Variants in SLC16A6 observed in about 807,000 individuals in gnomAD.
SLC16A6 encodes solute carrier family 16 member 6, also known as monocarboxylate transporter 7.
SLC16A6 carries 15 observed loss-of-function variants against 33.8 expected under a neutral mutation model. The ratio of observed to expected loss-of-function variants is 0.44; its 90% CI spans 0.30 to 0.68. SLC16A6 has a LOEUF of 0.68. Ranked by LOEUF, SLC16A6 falls within the 30% of genes least tolerant of loss-of-function variation. The pLI is 0.10. For synonymous variants in SLC16A6, 219 were observed against 248.4 expected (o/e 0.88, Z 1.11); for missense variants, 451 against 661.5 (o/e 0.68, Z 3.49).
chr17:68,272,812 T>A, intron 3 of SLC16A6, 45 bp from the exon 4 acceptor site: 2 of 1,609,370 alleles, frequency 1.2e-6, no homozygotes, highest in Non-Finnish European at 1.7e-6. Flanking sequence ...CACATACTGC[T>A]TGAGACTGGA....
chr17:68,287,388 G>A (rs540304440), intron 1 of SLC16A6, among the ~76,000 whole-genome samples: 32 of 151,574 alleles, frequency 2.1e-4, no homozygotes, highest in Middle Eastern at 3.4e-3. Flanking sequence ...TGGAACTCCC[G>A]GACTCAAGCG....
chr17:68,269,430 C>G, intron 5 of SLC16A6, 84 bp from the exon 6 acceptor site: 1 of 1,304,830 alleles, frequency 7.7e-7, no homozygotes, highest in Non-Finnish European at 1.0e-6. Context: ...TCAGAAGCCT[C>G]TCAGTTTCAC....
intron 2 of SLC16A6, 86 bp from the exon 3 acceptor site, chr17:68,274,156 A>T (rs2075435835): frequency 2.9e-6 from 4 of 1,389,016 alleles, no homozygotes; most frequent in South Asian, 1.3e-5. Context: ...CGTCTTGCAC[A>T]TGGAGAGATG....
intron 1 of SLC16A6, among the ~76,000 whole-genome samples, chr17:68,282,492 T>TA (rs61418415): frequency 0.01 from 1,458 of 145,246 alleles, 10 homozygotes; most frequent in Non-Finnish European, 0.012. Flanking sequence ...CCCTAGAACT[T>TA]AAAAAAAAAA....
rs566220802 is a variant in SLC16A6, at chr17:68,282,079, C to T, written c.-7-3752G>A. On this transcript the variant is annotated intron_variant, in intron 1 of 5. Coordinates refer to ENST00000580666, the MANE Select transcript of SLC16A6 (RefSeq NM_004694.5). Reference sequence around the variant, plus strand: ...ATGTTTATTGCGGCACTATTCACAACAGCAAAGACTTGGAACCAATCCAAA... The same window carrying T: ...ATGTTTATTGCGGCACTATTCACAATAGCAAAGACTTGGAACCAATCCAAA... Among the ~76,000 whole-genome samples the T allele has an allele frequency of 1.2e-3, 184 of 152,264 alleles. 1 individual carries two copies. Among genetic ancestry groups the T allele is most frequent in the Non-Finnish European group, 1.9e-3 (131 of 68,032 alleles).
chr17:68,287,578 T>C (rs1193814380), intron 1 of SLC16A6, among the ~76,000 whole-genome samples: 1 of 152,192 alleles, frequency 6.6e-6, no homozygotes, highest in Non-Finnish European at 1.5e-5. Flanking sequence ...TAGAGCCACA[T>C]ATAACTTTCA....
chr17:68,272,625 T>C lies in SLC16A6; in HGVS notation c.505+14A>G. 1.2e-6 allele frequency: 2 copies of C among 1,613,266 alleles called. No homozygotes were observed. Among genetic ancestry groups the C allele is most frequent in the Non-Finnish European group, 1.7e-6 (2 of 1,179,320 alleles). On this transcript the variant is annotated intron_variant, in intron 4 of 5. Transcript: ENST00000580666. Reference sequence around the variant, plus strand: ...TCATCCACATTCATACTTAGGCTGTTGTAGTCCACCTACCTGGTGCGAAAG... The same window carrying C: ...TCATCCACATTCATACTTAGGCTGTCGTAGTCCACCTACCTGGTGCGAAAG...
chr17:68,269,033 C>T lies in SLC16A6; in HGVS notation c.*63G>A, dbSNP rs113350423. 1 of 1,593,776 alleles carries T rather than the reference C, an allele frequency of 6.3e-7. No individual in the cohort carries two copies. The highest frequency in any genetic ancestry group is 8.5e-7 in the Non-Finnish European group (1 of 1,170,736). On this transcript the variant is annotated 3_prime_UTR_variant, in exon 6 of 6. Coordinates refer to ENST00000580666, the MANE Select transcript of SLC16A6 (RefSeq NM_004694.5). ...GGTTAGCTCCTCTGCCTCCTTGTGT[C>T]CCCGTTGGGCCCACCCCATCCCTCT... is the stretch of plus-strand genomic sequence containing the variant.
At chr17:68,290,594 G>A (rs2075952431) in intron 1 of SLC16A6, among the ~76,000 whole-genome samples, 1 of 152,256 alleles carries the variant, frequency 6.6e-6, no homozygotes, top group East Asian at 1.9e-4. Context: ...TGGGGGTCGG[G>A]GGAGGCAGGG....
intron 1 of SLC16A6, among the ~76,000 whole-genome samples, chr17:68,287,272 A>C (rs1174569748): frequency 6.6e-6 from 1 of 151,584 alleles, no homozygotes; most frequent in Non-Finnish European, 1.5e-5. Flanking sequence ...GATAGTATCT[A>C]AACGATAGTG....
chr17:68,284,704 C>T (rs2075802252), intron 1 of SLC16A6, among the ~76,000 whole-genome samples: 2 of 152,188 alleles, frequency 1.3e-5, no homozygotes, highest in South Asian at 4.1e-4. Context: ...ATCATTCATC[C>T]TACTGATAGC....
intron 2 of SLC16A6, 122 bp from the exon 3 acceptor site, chr17:68,274,192 G>T: frequency 1.9e-6 from 2 of 1,062,932 alleles, no homozygotes; most frequent in Non-Finnish European, 2.7e-6. Context: ...ATGGCCGAGC[G>T]CAGTGGCTCA....
intron 2 of SLC16A6, 107 bp downstream of exon 2, chr17:68,277,982 G>T (rs996734299): frequency 1.4e-6 from 1 of 715,266 alleles, no homozygotes; most frequent in Non-Finnish European, 2.4e-6. Context: ...ACCAACAGGC[G>T]TATAAGGGAA....
At chr17:68,272,814 G>A (rs1555749501) in intron 3 of SLC16A6, 47 bp from the exon 4 acceptor site, 1 of 1,604,708 alleles carries the variant, frequency 6.2e-7, no homozygotes, top group Admixed American at 1.7e-5. Flanking sequence ...CATACTGCTT[G>A]AGACTGGAAG....
intron 1 of SLC16A6, among the ~76,000 whole-genome samples, chr17:68,287,145 G>A (rs1157268989): frequency 2.6e-5 from 4 of 152,000 alleles, no homozygotes; most frequent in Non-Finnish European, 5.9e-5. Context: ...CACCATGCCC[G>A]GCTAATTTTG....
upstream of SLC16A6, chr17:68,291,406 T>TCTCCGCCGGC (rs2075983465): frequency 6.9e-6 from 1 of 144,734 alleles, no homozygotes. Flanking sequence ...CTGCAGCCGG[T>TCTCCGCCGGC]CTCCGCCGGC....
chr17:68,281,908 G>A (rs568852812), intron 1 of SLC16A6, among the ~76,000 whole-genome samples: 1 of 152,324 alleles, frequency 6.6e-6, no homozygotes, highest in Non-Finnish European at 1.5e-5. Context: ...TGGTGGGACT[G>A]TAAACTAGTT....
In SLC16A6 at chr17:68,267,847, TA is replaced by T. The variant is rs2075203768; in HGVS notation, c.*1248del. 6.6e-6 allele frequency: 1 copy of T among 152,218 alleles called. No individual in the cohort carries two copies. The highest frequency in any genetic ancestry group is 6.5e-5 in the Admixed American group (1 of 15,272). 9.4% of individuals were successfully genotyped at this position (152,218 alleles called of 1,614,324 possible). On this transcript the variant is annotated 3_prime_UTR_variant, in exon 6 of 6. Transcript: ENST00000580666. ...ATCAAGTCATGTGTTATAGAAGATGTAAATTGCAACTTGTAACTCGCTATAA... is the reference window on the plus strand; with the variant it reads ...ATCAAGTCATGTGTTATAGAAGATGTAATTGCAACTTGTAACTCGCTATAA...
intron 1 of SLC16A6, among the ~76,000 whole-genome samples, chr17:68,290,831 G>A (rs983932370): frequency 6.6e-6 from 1 of 152,170 alleles, no homozygotes; most frequent in Non-Finnish European, 1.5e-5. Context: ...TATCTTCCGG[G>A]ACCCAACTGT....
Sources: allele counts gnomAD v4.1 joint callset (sites outside exome capture counted in the v4.1 genomes callset), GRCh38; gene constraint gnomAD v4.1.1; transcripts MANE v1.5; gene names NCBI Gene and HGNC (gene_info 2026-07-23, HGNC 2026-07-21).